DNAH7: variants seen among roughly 807,000 people sequenced by gnomAD.
DNAH7 encodes axonemal beta dynein heavy chain 7.
DNAH7 carries 397 observed loss-of-function variants against 444.6 expected under a neutral mutation model. The ratio of observed to expected loss-of-function variants is 0.89; its 90% CI spans 0.82 to 0.97. The LOEUF is 0.97. DNAH7 is among the 50% of genes least tolerant of loss of function. The pLI, the probability that DNAH7 is intolerant of heterozygous loss-of-function variation, is 0.00. For missense variants in DNAH7, 4,902 were observed against 4,800.8 expected (o/e 1.02, Z -0.62); for synonymous variants, 1,636 against 1,624.4 (o/e 1.01, Z -0.17).
In DNAH7 at chr2:195,872,432, G is replaced by A; in HGVS notation, c.6451C>T (p.Gln2151Ter). 1 of 1,604,696 alleles carries A rather than the reference G, an allele frequency of 6.2e-7. No homozygotes were observed. The highest frequency in any genetic ancestry group is 8.5e-7 in the Non-Finnish European group (1 of 1,175,362). The change falls in exon 40 of 65, where the codon CAA becomes TAA. Residue 2151 changes from glutamine (Q) to a stop codon, truncating the protein, a stop_gained. Coordinates refer to ENST00000312428, the MANE Select transcript of DNAH7 (RefSeq NM_018897.3). LOFTEE classifies it high-confidence loss of function. ...FPDEFLDLTTQIVNGTMTLYK... is the reference protein window; with the variant it reads ...FPDEFLDLTT ...AGAGTCATTGTGCCATTTACGATTT[G>A]TGTGGTCAAATCTAGAAATTCATCT...
intron 19 of DNAH7, among the ~76,000 whole-genome samples, chr2:195,948,738 T>C (rs1690002776): frequency 6.6e-6 from 1 of 152,194 alleles, no homozygotes; most frequent in Non-Finnish European, 1.5e-5. Flanking sequence ...TGCCTCTTGC[T>C]TTGTTCTTTT....
intron 53 of DNAH7, among the ~76,000 whole-genome samples, chr2:195,807,948 A>G (rs1696787703): frequency 6.6e-6 from 1 of 152,232 alleles, no homozygotes; most frequent in Non-Finnish European, 1.5e-5. Flanking sequence ...ACAACAATAT[A>G]GGTTGTATAG....
chr2:195,835,381 CAA>C (rs58376618), intron 47 of DNAH7, among the ~76,000 whole-genome samples: 52,980 of 112,966 alleles, frequency 0.47, 10,274 homozygotes, highest in Non-Finnish European at 0.54. Context: ...GTGACTGAGG[CAA>C]AAAAAAAAAA....
At position 196,026,323 on chromosome 2, in the gene DNAH7, GTAA is replaced by G. The variant is rs1214709439; in HGVS notation, c.667+434_667+436del. 2.6e-5 allele frequency among the ~76,000 whole-genome samples: 4 copies of G among 152,244 alleles called. No homozygotes were observed. The East Asian group carries it at 7.7e-4, about 29-fold the overall frequency. On this transcript the variant is annotated intron_variant, in intron 7 of 64. Coordinates refer to ENST00000312428, the MANE Select transcript of DNAH7 (RefSeq NM_018897.3). ...AATCACATTCTAATTTATGACATCG[GTAA>G]TACTAATGTTCATTGTTAATGCTTA...
intron 25 of DNAH7, among the ~76,000 whole-genome samples, chr2:195,908,430 C>A (rs1441766917): frequency 1.3e-5 from 2 of 151,984 alleles, no homozygotes; most frequent in Non-Finnish European, 2.9e-5. Flanking sequence ...CTCATCACAC[C>A]CCTCTCCCAC....
intron 2 of DNAH7, among the ~76,000 whole-genome samples, chr2:196,054,376 A>G (rs1697670653): frequency 6.6e-6 from 1 of 152,020 alleles, no homozygotes; most frequent in African/African-American, 2.4e-5. Flanking sequence ...ATACACAAAA[A>G]TAACCTGGGT....
intron 5 of DNAH7, 42 bp from the exon 6 acceptor site, chr2:196,028,089 G>C (rs750851070): frequency 4.6e-5 from 70 of 1,526,094 alleles, no homozygotes; most frequent in Non-Finnish European, 6.0e-5. Flanking sequence ...TAGATAAGGG[G>C]CAGTTAGAAC....
In DNAH7 at chr2:195,855,993, T is replaced by A. The variant is rs1011345169; in HGVS notation, c.8415-2A>T. The A allele has an allele frequency of 5.0e-6, 8 of 1,602,460 alleles. No individual in the cohort carries two copies. The highest frequency in any genetic ancestry group is 6.8e-6 in the Non-Finnish European group (8 of 1,175,846). On this transcript the variant is annotated splice_acceptor_variant, in intron 44 of 64. Coordinates refer to ENST00000312428, the MANE Select transcript of DNAH7 (RefSeq NM_018897.3). LOFTEE classifies it high-confidence loss of function. ...TTGGGAGCTACTATTTTTGCCACTC[T>A]GCAAAAAGTAAAATTGAAAAATTAA... is the stretch of plus-strand genomic sequence containing the variant.
chr2:195,890,679 A>AT (rs2125221501), intron 31 of DNAH7, among the ~76,000 whole-genome samples: 1 of 152,230 alleles, frequency 6.6e-6, no homozygotes, highest in East Asian at 1.9e-4. Context: ...TATCCTTGAA[A>AT]TTACTAGTAA....
intron 19 of DNAH7, among the ~76,000 whole-genome samples, chr2:195,954,346 AG>A (rs1690487752): frequency 6.6e-6 from 1 of 152,206 alleles, no homozygotes; most frequent in Non-Finnish European, 1.5e-5. Flanking sequence ...GTCCCTACAA[AG>A]GACATGAACT....
intron 51 of DNAH7, among the ~76,000 whole-genome samples, chr2:195,811,686 T>C (rs1456365358): frequency 1.3e-5 from 2 of 152,086 alleles, no homozygotes; most frequent in Non-Finnish European, 2.9e-5. Context: ...GGTACATTCA[T>C]ACAATGGTAT....
chr2:196,000,556 A>T (rs751620994), intron 12 of DNAH7, 148 bp downstream of exon 12: 19 of 668,652 alleles, frequency 2.8e-5, no homozygotes, highest in Non-Finnish European at 3.7e-5. Context: ...GGCCATTTGG[A>T]AAATGGTAGT....
At chr2:195,789,256 A>T (rs537727469) in intron 57 of DNAH7, among the ~76,000 whole-genome samples, 1 of 152,154 alleles carries the variant, frequency 6.6e-6, no homozygotes, top group Non-Finnish European at 1.5e-5. Context: ...GAATCTGAGT[A>T]CCAAAAGACT....
chr2:195,738,432 C>G (rs1692786583), intron 64 of DNAH7, among the ~76,000 whole-genome samples: 1 of 152,008 alleles, frequency 6.6e-6, no homozygotes. Flanking sequence ...ATCAGATACA[C>G]TTTCAAAGGA....
chr2:195,940,234 C>A, intron 19 of DNAH7, among the ~76,000 whole-genome samples: 1 of 152,142 alleles, frequency 6.6e-6, no homozygotes, highest in East Asian at 1.9e-4. Flanking sequence ...CTACAACCAT[C>A]TGATCTTTGA....
chr2:195,995,923 G>A (rs998128162), intron 12 of DNAH7, among the ~76,000 whole-genome samples: 1 of 152,086 alleles, frequency 6.6e-6, no homozygotes, highest in Non-Finnish European at 1.5e-5. Context: ...TTCTGCTTCT[G>A]GGAAGAATGT....
chr2:195,906,592 C>T (rs1299453116), intron 27 of DNAH7, 67 bp downstream of exon 27: 1 of 1,502,032 alleles, frequency 6.7e-7, no homozygotes, highest in African/African-American at 1.4e-5. Flanking sequence ...CCACGCCCAG[C>T]TCTTTTCATA....
chr2:196,005,303 C>A (rs145301577), intron 10 of DNAH7, among the ~76,000 whole-genome samples: 5,296 of 140,752 alleles, frequency 0.038, 315 homozygotes, highest in African/African-American at 0.14. Flanking sequence ...AACAAACAAA[C>A]AAAAATATAT....
intron 54 of DNAH7, among the ~76,000 whole-genome samples, chr2:195,803,819 T>C (rs542200959): frequency 1.3e-5 from 2 of 152,366 alleles, no homozygotes; most frequent in East Asian, 3.9e-4. Flanking sequence ...GGCCAGAAGC[T>C]CTTCATTTTG....
Sources: allele counts gnomAD v4.1 joint callset (sites outside exome capture counted in the v4.1 genomes callset), GRCh38; gene constraint gnomAD v4.1.1; transcripts MANE v1.5; gene names NCBI Gene and HGNC (gene_info 2026-07-23, HGNC 2026-07-21).